The following WAPL variants were observed in gnomAD, a reference collection of about 807,000 sequenced individuals.
WAPL encodes wings apart-like protein homolog.
A neutral mutation model predicts 121.0 loss-of-function variants in WAPL; 5 were observed. The ratio of observed to expected loss-of-function variants is 0.04; its 90% CI spans 0.02 to 0.09. The LOEUF is 0.09. Among genes scored for constraint, WAPL ranks in the 10% least tolerant of loss-of-function variants. The pLI, the probability that WAPL is intolerant of heterozygous loss-of-function variation, is 1.00. For synonymous variants in WAPL, 480 were observed against 481.5 expected, an observed-to-expected ratio of 1.00 and a Z score of 0.04; for missense variants, 999 against 1,410.8, an observed-to-expected ratio of 0.71 and a Z score of 4.68.
chr10:86,471,765 A>T (rs1011340345), intron 7 of WAPL, among the ~76,000 whole-genome samples: 11 of 152,044 alleles, frequency 7.2e-5, no homozygotes, highest in African/African-American at 2.4e-4. Flanking sequence ...CCTCCCAAGT[A>T]GCTGGAACTA....
At chr10:86,504,957 A>G (rs1842316260) in intron 2 of WAPL, among the ~76,000 whole-genome samples, 1 of 152,166 alleles carries the variant, frequency 6.6e-6, no homozygotes, top group Admixed American at 6.5e-5. Context: ...TCATCTCTTA[A>G]AAGATACATT....
chr10:86,453,123 A>G, intron 14 of WAPL, 97 bp downstream of exon 14: 1 of 847,166 alleles, frequency 1.2e-6, no homozygotes. Flanking sequence ...AACCCACAAT[A>G]TATTAAAGGG....
At chr10:86,510,954 G>A (rs970778851) in intron 2 of WAPL, among the ~76,000 whole-genome samples, 1 of 151,748 alleles carries the variant, frequency 6.6e-6, no homozygotes, top group African/African-American at 2.4e-5. Flanking sequence ...AGTCTCCCAA[G>A]TAGCTGGAAC....
At chr10:86,509,967 T>C (rs1348100657) in intron 2 of WAPL, among the ~76,000 whole-genome samples, 1 of 151,100 alleles carries the variant, frequency 6.6e-6, no homozygotes, top group Non-Finnish European at 1.5e-5. Context: ...GGTTTTACCA[T>C]GTTGGCCAGG....
At chr10:86,507,139 G>A (rs1046647262) in intron 2 of WAPL, among the ~76,000 whole-genome samples, 3 of 150,950 alleles carry the variant, frequency 2.0e-5, no homozygotes, top group Admixed American at 6.6e-5. Context: ...AGGCCGAGGC[G>A]GGCGGATCAC....
Position 86,436,483 on chromosome 10 carries a change from G to T in WAPL, c.*1060C>A, listed in dbSNP as rs755121326. 1 of 152,514 alleles carries T rather than the reference G, an allele frequency of 6.6e-6. No homozygotes were observed. Among genetic ancestry groups the T allele is most frequent in the Non-Finnish European group, 1.5e-5 (1 of 68,018 alleles). 9.4% of individuals were successfully genotyped at this position (152,514 alleles called of 1,614,324 possible). On this transcript the variant is annotated 3_prime_UTR_variant, in exon 19 of 19. Transcript: ENST00000298767. The stretch of plus-strand genomic sequence containing the variant: ...ATAAAATGTTTTGTGTTCCATAACT[G>T]TTTTTCAAATAACTGCTCTACGAAC...
At chr10:86,442,889 A>G (rs1849505000) in intron 17 of WAPL, among the ~76,000 whole-genome samples, 1 of 152,072 alleles carries the variant, frequency 6.6e-6, no homozygotes, top group Non-Finnish European at 1.5e-5. Context: ...AAATACAAAA[A>G]AAAGTTAGCC....
chr10:86,445,557 C>T lies in WAPL; in HGVS notation c.3322+685G>A, dbSNP rs1303511635. 3.3e-5 allele frequency among the ~76,000 whole-genome samples: 5 copies of T among 151,700 alleles called. No homozygotes were observed. In the South Asian group the frequency reaches 8.3e-4, roughly 25 times the overall value. ...TTTTTTTTAATGAGAAAGGGCCTCA[C>T]TCTGTCACCCAGGGTGGAGGGCAGT... On this transcript the variant is annotated intron_variant, in intron 16 of 18. Transcript: ENST00000298767.
Position 86,499,827 on chromosome 10 carries a change from T to C in WAPL, c.1416A>G (p.Glu472=). Residue 472 remains glutamate, a synonymous_variant, in exon 3 of 19, where the codon GAA becomes GAG. Coordinates refer to ENST00000298767, the MANE Select transcript of WAPL (RefSeq NM_015045.5). ...TAGTTCTTTTTTTGCTTGTCTTTCT[T>C]TCTACTTGACAGTCATCATCTTCAT... is the stretch of plus-strand genomic sequence containing the variant. ...EDDEDDDCQV[E]RKTSKKRTKT... 1 of 1,613,706 alleles carries C rather than the reference T, an allele frequency of 6.2e-7. No individual in the cohort carries two copies. The highest frequency in any genetic ancestry group is 8.5e-7 in the Non-Finnish European group (1 of 1,179,924).
At chr10:86,459,724 T>C (rs1356652990) in intron 11 of WAPL, among the ~76,000 whole-genome samples, 1 of 152,156 alleles carries the variant, frequency 6.6e-6, no homozygotes, top group African/African-American at 2.4e-5. Flanking sequence ...ATAAACAAAA[T>C]GCTAATAACA....
At chr10:86,467,594 T>C in intron 8 of WAPL, 88 bp from the exon 9 acceptor site, 1 of 1,006,552 alleles carries the variant, frequency 9.9e-7, no homozygotes, top group Non-Finnish European at 1.4e-6. Context: ...ATGACTTTTG[T>C]TTACAAGTTA....
chr10:86,517,737 T>C lies in WAPL; in HGVS notation c.333A>G (p.Ser111=). The change falls in exon 2 of 19, where the codon TCA becomes TCG. Residue 111 remains serine (S), a synonymous_variant. Coordinates refer to ENST00000298767, the MANE Select transcript of WAPL (RefSeq NM_015045.5). ...SEAAQLEEVT[S]VLEANSKISH... ...TAATTTTGCTATTAGCTTCAAGTAC[T>C]GAAGTGACCTCTTCCAACTGAGCAG... The C allele has an allele frequency of 6.2e-7, 1 of 1,614,186 alleles. No individual in the cohort carries two copies. The highest frequency in any genetic ancestry group is 8.5e-7 in the Non-Finnish European group (1 of 1,180,026).
chr10:86,446,520 G>T, intron 15 of WAPL, 71 bp from the exon 16 acceptor site: 1 of 1,429,344 alleles, frequency 7.0e-7, no homozygotes, highest in Non-Finnish European at 9.5e-7. Context: ...CAAATATAAA[G>T]TTATAGTTGC....
intron 4 of WAPL, among the ~76,000 whole-genome samples, chr10:86,491,364 C>T (rs1842043622): frequency 6.6e-6 from 1 of 151,880 alleles, no homozygotes; most frequent in Admixed American, 6.6e-5. Flanking sequence ...TGGTCTTGCT[C>T]TCCTGACCTC....
Position 86,435,451 on chromosome 10 carries a change from G to T in WAPL, c.*2092C>A, listed in dbSNP as rs575753896. ...CTACTGTTCTAATTTCCAATTGGTA[G>T]TATTTACAGAAATATTTACAATGGA... is the stretch of plus-strand genomic sequence containing the variant. On this transcript the variant is annotated 3_prime_UTR_variant, in exon 19 of 19. Transcript: ENST00000298767. 1 of 152,476 alleles carries T rather than the reference G, an allele frequency of 6.6e-6. No homozygotes were observed. Among genetic ancestry groups the T allele is most frequent in the Non-Finnish European group, 1.5e-5 (1 of 68,012 alleles). The allele number at this position is 152,476 out of a possible 1,614,324, so 9.4% of individuals were successfully genotyped here. A position where few individuals can be genotyped will look rare whatever the true frequency, so the allele number is the denominator to read the frequency against.
intron 4 of WAPL, among the ~76,000 whole-genome samples, chr10:86,492,117 A>T (rs1842060461): frequency 6.6e-6 from 1 of 152,230 alleles, no homozygotes; most frequent in Non-Finnish European, 1.5e-5. Flanking sequence ...TGCCGTTTTT[A>T]ATATTCTTTG....
At chr10:86,504,639 G>A (rs980419196) in intron 2 of WAPL, among the ~76,000 whole-genome samples, 20 of 150,768 alleles carry the variant, frequency 1.3e-4, no homozygotes, top group Middle Eastern at 3.4e-3. Flanking sequence ...TCGACAGAGC[G>A]AGACTCAGTC....
At chr10:86,442,458 CT>C (rs1244771756) in intron 17 of WAPL, among the ~76,000 whole-genome samples, 1 of 151,994 alleles carries the variant, frequency 6.6e-6, no homozygotes, top group East Asian at 1.9e-4. Context: ...GTAATTCTTC[CT>C]TTTTCATGAG....
chr10:86,453,775 A>T lies in WAPL; in HGVS notation c.2714T>A (p.Ile905Lys). 6.2e-7 allele frequency: 1 copy of T among 1,614,116 alleles called. No homozygotes were observed. The highest frequency in any genetic ancestry group is 8.5e-7 in the Non-Finnish European group (1 of 1,180,028). Residue 905 changes from isoleucine to lysine, a missense_variant, in exon 13 of 19, where the codon ATA (isoleucine) becomes AAA (lysine). Physicochemically the swap from Ile to Lys is moderately radical, Grantham distance 102 (BLOSUM62 -3). This residue lies in a region of WAPL where 85 missense variants were observed against 133.5 expected (regional missense o/e 0.64). Coordinates refer to ENST00000298767, the MANE Select transcript of WAPL (RefSeq NM_015045.5). ...IQQYNRAEDS[I>K]CLADSKPLPH... ...CAGAGGCTTACTGTCAGCTAAGCAT[A>T]TGCTGTCCTCAGCACGGTTGTACTG...
Sources: allele counts gnomAD v4.1 joint callset (sites outside exome capture counted in the v4.1 genomes callset), GRCh38; gene constraint gnomAD v4.1.1; regional missense constraint gnomAD v4.1.1; transcripts MANE v1.5; gene names NCBI Gene and HGNC (gene_info 2026-07-23, HGNC 2026-07-21).